The following PHKA1 variants were observed in gnomAD, a reference collection of about 807,000 sequenced individuals.
PHKA1 encodes phosphorylase b kinase regulatory subunit alpha, skeletal muscle isoform.
PHKA1 carries 60 observed loss-of-function variants against 110.2 expected under a neutral mutation model. The observed-to-expected ratio is 0.54, with a 90% CI of 0.44 to 0.68. PHKA1 has a LOEUF of 0.68. Among genes scored for constraint, PHKA1 ranks in the 30% least tolerant of loss-of-function variants. PHKA1 has a pLI of 0.00. For synonymous variants in PHKA1, 316 were observed against 333.6 expected, an observed-to-expected ratio of 0.95 and a Z score of 0.58; for missense variants, 801 against 942.5, an observed-to-expected ratio of 0.85 and a Z score of 1.97.
At chrX:72,591,094 T>G (rs1225822393) in intron 29 of PHKA1, among the ~76,000 whole-genome samples, 1 of 112,022 alleles carries the variant, frequency 8.9e-6, no homozygotes, top group Non-Finnish European at 1.9e-5. Context: ...ATCATGCTAC[T>G]ATAAAGATAC....
intron 5 of PHKA1, among the ~76,000 whole-genome samples, chrX:72,682,940 A>T (rs1304861654): frequency 6.7e-4 from 69 of 103,162 alleles, no homozygotes; most frequent in Non-Finnish European, 1.0e-3. Flanking sequence ...AAATTAAAAA[A>T]AAAAAAAAAA....
At position 72,650,439 on chromosome X, in the gene PHKA1, G is replaced by T; in HGVS notation, c.1275C>A (p.Pro425=). 2.5e-6 allele frequency: 3 copies of T among 1,208,971 alleles called. No individual in the cohort carries two copies. Among genetic ancestry groups the T allele is most frequent in the Non-Finnish European group, 3.4e-6 (3 of 893,369 alleles). Residue 425 remains proline (P), a synonymous_variant, in exon 13 of 32, where the codon CCC becomes CCA. Coordinates refer to ENST00000373542, the MANE Select transcript of PHKA1 (RefSeq NM_002637.4). ...GTACAGTAGAAAACCTGCGATTCAG[G>T]GGATCAATTTCTCCAGGGGCTAAAA... ...EGFLAPGEID[P]LNRRFSTVPK... is the part of the protein sequence containing the mutation.
At chrX:72,705,268 GAC>G (rs782737488) in intron 2 of PHKA1, 23 bp from the exon 3 acceptor site, 1 of 1,152,453 alleles carries the variant, frequency 8.7e-7, no homozygotes, top group African/African-American at 1.8e-5. Flanking sequence ...ATGGAAACAA[GAC>G]AGTTATAAAC....
intron 31 of PHKA1, 119 bp from the exon 32 acceptor site, chrX:72,581,294 T>A (rs1389288473): frequency 1.9e-6 from 1 of 518,167 alleles, no homozygotes; most frequent in Admixed American, 2.7e-5. Flanking sequence ...AGTTGGGCCC[T>A]AGACTGTTTA....
intron 3 of PHKA1, among the ~76,000 whole-genome samples, chrX:72,704,642 G>A (rs1233666261): frequency 1.8e-5 from 2 of 111,048 alleles, no homozygotes; most frequent in African/African-American, 6.6e-5. Flanking sequence ...GGAGTGCAGT[G>A]GCACCATCTT....
chrX:72,618,004 T>G (rs2052923560), intron 21 of PHKA1, among the ~76,000 whole-genome samples: 1 of 111,587 alleles, frequency 9.0e-6, no homozygotes, highest in South Asian at 3.8e-4. Flanking sequence ...TTTAGTCTCC[T>G]TTCCCTGGGC....
chrX:72,586,005 AC>A (rs2052422934), intron 29 of PHKA1, among the ~76,000 whole-genome samples: 1 of 112,555 alleles, frequency 8.9e-6, no homozygotes, highest in African/African-American at 3.2e-5. Flanking sequence ...GCATAGCTGA[AC>A]AAAAGGCAGC....
chrX:72,619,338 G>A (rs371893192), intron 19 of PHKA1, 33 bp from the exon 20 acceptor site: 3 of 872,876 alleles, frequency 3.4e-6, no homozygotes, highest in Non-Finnish European at 5.1e-6. Context: ...GGAAATATTA[G>A]GTAATTAGGA....
At chrX:72,611,257 T>C (rs2052806271) in intron 21 of PHKA1, 73 bp from the exon 22 acceptor site, 1 of 833,049 alleles carries the variant, frequency 1.2e-6, no homozygotes, top group Admixed American at 2.3e-5. Flanking sequence ...TTCAGTGTTA[T>C]AATGAACATG....
At chrX:72,666,638 G>A (rs987764173) in intron 7 of PHKA1, among the ~76,000 whole-genome samples, 1 of 111,537 alleles carries the variant, frequency 9.0e-6, no homozygotes, top group Non-Finnish European at 1.9e-5. Context: ...TCACAGATAA[G>A]GAATATTCTA....
chrX:72,687,000 C>A (rs1286027009), intron 4 of PHKA1, among the ~76,000 whole-genome samples: 1 of 112,002 alleles, frequency 8.9e-6, no homozygotes, highest in Non-Finnish European at 1.9e-5. Flanking sequence ...AATTTTTAAT[C>A]TTTGTCTCAC....
chrX:72,604,504 C>G (rs978898631), intron 25 of PHKA1, among the ~76,000 whole-genome samples: 3 of 111,655 alleles, frequency 2.7e-5, no homozygotes, highest in African/African-American at 9.8e-5. Flanking sequence ...AGGTTTGACT[C>G]AAATTGATAA....
chrX:72,605,584 T>C lies in PHKA1; in HGVS notation c.2642A>G (p.Asp881Gly). The change falls in exon 24 of 32, where the codon GAT becomes GGT. Residue 881 changes from aspartate to glycine, a missense_variant. Asp to Gly is a moderately conservative substitution (Grantham distance 94). Around this residue, in one of 2 missense-constraint regions of PHKA1, gnomAD observed 502 missense variants for 519.2 expected, o/e 0.97. Transcript: ENST00000373542. ...GCTCATATCCCCTTCACTGGCTTCA[T>C]CTATCAGCTGAGTGAGCGCCTCATA... ...LPYEALTQLI[D>G]EASEGDMSIS... 5.0e-6 allele frequency: 6 copies of C among 1,209,341 alleles called. No individual in the cohort carries two copies. The highest frequency in any genetic ancestry group is 6.7e-6 in the Non-Finnish European group (6 of 893,264).
At chrX:72,697,223 T>C (rs781859905) in intron 3 of PHKA1, 24 of 111,441 alleles carry the variant, frequency 2.2e-4, no homozygotes, top group African/African-American at 7.8e-4. Context: ...TGGGATTCTG[T>C]CTTGAAAATT....
chrX:72,581,155 A>G lies in PHKA1; in HGVS notation c.3519T>C (p.Asp1173=). The G allele has an allele frequency of 8.4e-7, 1 of 1,194,490 alleles. No homozygotes were observed. The highest frequency in any genetic ancestry group is 1.8e-5 in the South Asian group (1 of 56,544). The change falls in exon 32 of 32, where the codon GAT becomes GAC. Residue 1173 remains aspartate, a synonymous_variant. Transcript: ENST00000373542. ...LQEQKTLGAD[D]TMLAKDPASG... is the part of the protein sequence containing the mutation. ...ATGCGGGATCCTTTGCCAACATGGT[A>G]TCATCTGCGCCAAGGGTTTTCTGTT...
chrX:72,596,397 T>A (rs868914573), intron 28 of PHKA1, among the ~76,000 whole-genome samples: 1 of 111,564 alleles, frequency 9.0e-6, no homozygotes, highest in African/African-American at 3.3e-5. Flanking sequence ...CTATAGTTAA[T>A]GATACTATAT....
At position 72,623,716 on chromosome X, in the gene PHKA1, T is replaced by C. The variant is rs782564250; in HGVS notation, c.1794-441A>G. Among the ~76,000 whole-genome samples, 5 of 111,420 alleles carry C rather than the reference T, an allele frequency of 4.5e-5. No homozygotes were observed. In the East Asian group the frequency reaches 1.4e-3, roughly 31 times the overall value. On this transcript the variant is annotated intron_variant, in intron 17 of 31. Transcript: ENST00000373542. ...CAATTCTGTAAATTATAGTAGACTG[T>C]AAGCCATATCGTCTCCTACTTATGA...
intron 9 of PHKA1, among the ~76,000 whole-genome samples, chrX:72,656,655 A>G (rs1222272276): frequency 3.6e-5 from 4 of 112,320 alleles, no homozygotes; most frequent in Non-Finnish European, 7.5e-5. Flanking sequence ...AAATGAGCAA[A>G]CTGCTCAAGA....
chrX:72,618,407 G>T (rs782578483), intron 21 of PHKA1, among the ~76,000 whole-genome samples: 76 of 111,603 alleles, frequency 6.8e-4, no homozygotes, highest in Non-Finnish European at 1.2e-3. Flanking sequence ...CCAAATAATG[G>T]AGGCTTAAAA....
Sources: gnomAD v4.1 joint callset for allele counts (sites outside exome capture counted in the v4.1 genomes callset) on GRCh38, gnomAD v4.1.1 for gene constraint, gnomAD v4.1.1 regional missense constraint, MANE v1.5 for transcripts, NCBI Gene and HGNC (gene_info 2026-07-23, HGNC 2026-07-21) for gene names.